The following TAF1C variants were observed in gnomAD, a reference collection of about 807,000 sequenced individuals.
TAF1C encodes TATA box-binding protein-associated factor RNA polymerase I subunit C.
In TAF1C, 79 loss-of-function variants were observed where a neutral mutation model predicts 70.5. The ratio of observed to expected loss-of-function variants is 1.12; its 90% CI spans 0.93 to 1.35. The LOEUF (loss-of-function observed/expected upper bound fraction) is 1.35. Among genes scored for constraint, TAF1C ranks in the 40% most tolerant of loss-of-function variants. TAF1C has a pLI of 0.00. For missense variants in TAF1C, 1,412 were observed against 1,127.8 expected, an observed-to-expected ratio of 1.25 and a Z score of -3.61; for synonymous variants, 614 against 491.1, an observed-to-expected ratio of 1.25 and a Z score of -3.31.
rs1292108800 is a variant in TAF1C, at chr16:84,178,435, C to G, written c.*506G>C. 3 of 458,280 alleles carry G rather than the reference C, an allele frequency of 6.5e-6. No homozygotes were observed. Among genetic ancestry groups the G allele is most frequent in the South Asian group, 3.1e-5 (2 of 64,584 alleles). 28.4% of individuals were successfully genotyped at this position (458,280 alleles called of 1,614,324 possible). A position where few individuals can be genotyped will look rare whatever the true frequency, so the allele number is the denominator to read the frequency against. On this transcript the variant is annotated 3_prime_UTR_variant, in exon 15 of 15. Transcript: ENST00000566732. ...CTGAACCTGGATCCAAGGCATCTCC[C>G]TGTAGGAAACATCAGACCGGGGCAG...
rs771747874 is a variant in TAF1C, at chr16:84,181,884, C to T, written c.839-21G>A. The T allele has an allele frequency of 3.7e-6, 6 of 1,613,960 alleles. No homozygotes were observed. In the South Asian group the frequency reaches 5.5e-5, roughly 15 times the overall value. On this transcript the variant is annotated intron_variant, in intron 8 of 14. Transcript: ENST00000566732. ...CAGAGCTGAGGAGGGATGGAAAGGG[C>T]CAGGGGTCAGGTAGCAGGTCAGCCA...
In TAF1C at chr16:84,184,868, G is replaced by A. The variant is rs1285977476; in HGVS notation, c.121C>T (p.Gln41Ter). Residue 41 changes from glutamine to a stop codon, truncating the protein, a stop_gained, in exon 2 of 15, where the codon CAG becomes TAG. Transcript: ENST00000566732. LOFTEE classifies it high-confidence loss of function. ...WRDALTLPEA[Q>*]PQNSENGALH... ...ATCCTCACCTCTGAGTTCTGGGGCT[G>A]GGCCTCTGGCAGAGTCAGTGCGTCT... 1 of 1,607,612 alleles carries A rather than the reference G, an allele frequency of 6.2e-7. No individual in the cohort carries two copies. The highest frequency in any genetic ancestry group is 8.5e-7 in the Non-Finnish European group (1 of 1,177,282).
At chr16:84,180,647 C>T in intron 12 of TAF1C, 1 of 668,480 alleles carries the variant, frequency 1.5e-6, no homozygotes, top group Non-Finnish European at 2.3e-6. Context: ...CACCCCCACT[C>T]TCCTGACCCG....
rs756887801 is a variant in TAF1C, at chr16:84,182,431, C to A, written c.492G>T (p.Trp164Cys). 6.2e-7 allele frequency: 1 copy of A among 1,601,468 alleles called. No individual in the cohort carries two copies. Among genetic ancestry groups the A allele is most frequent in the Non-Finnish European group, 8.5e-7 (1 of 1,176,760 alleles). Residue 164 changes from tryptophan (W) to cysteine (C), a missense_variant, in exon 7 of 15, where the codon TGG becomes TGT. Transcript: ENST00000566732. The surrounding 1 kb of genome is among the most constrained non-coding windows in gnomAD (Gnocchi z 5.0). ...LGGHQPWGCPWAYLSNRQRRF... is the reference protein window; with the variant it reads ...LGGHQPWGCPCAYLSNRQRRF... ...GGCGCTGTCGGTTGCTGAGGTAAGCCCAGGGACACCTGGGGACCAGAGAAC... is the reference window on the plus strand; with the variant it reads ...GGCGCTGTCGGTTGCTGAGGTAAGCACAGGGACACCTGGGGACCAGAGAAC...
Position 84,180,064 on chromosome 16 carries a change from G to A in TAF1C, c.1503C>T (p.Pro501=), listed in dbSNP as rs544741396. 3.6e-5 allele frequency: 58 copies of A among 1,600,832 alleles called. No individual in the cohort carries two copies. The highest frequency in any genetic ancestry group is 2.2e-5 in the South Asian group (2 of 89,110). The change falls in exon 14 of 15, where the codon CCC becomes CCT. Residue 501 remains proline (P), a synonymous_variant. Transcript: ENST00000566732. ...LHLAGEGASV[P]RLAGPPQSLP... ...GAGACTGGGGGGGGCCTGCCAGGCG[G>A]GGCACCGACGCCCCTTCTCCTGAGG...
At position 84,179,098 on chromosome 16, in the gene TAF1C, T is replaced by C. The variant is rs763938576; in HGVS notation, c.2375A>G (p.Tyr792Cys). ...CCTCTGGGGTGGTAGCTTGGCCATG[T>C]AGTCACGGAGCATCTGCCGCTGCTC... ...PSEQRQMLRD[Y>C]MAKLPPQRDT... The change falls in exon 15 of 15, where the codon TAC becomes TGC. Residue 792 changes from tyrosine to cysteine, a missense_variant. By Grantham distance (194) the Tyr-to-Cys change is radical. Transcript: ENST00000566732. 1.7e-5 allele frequency: 28 copies of C among 1,609,970 alleles called. No individual in the cohort carries two copies. The South Asian group carries it at 2.5e-4, about 15-fold the overall frequency.
chr16:84,181,468 G>C lies in TAF1C; in HGVS notation c.1029-5C>G, dbSNP rs2089187238. 2 of 1,613,612 alleles carry C rather than the reference G, an allele frequency of 1.2e-6. No individual in the cohort carries two copies. The highest frequency in any genetic ancestry group is 1.3e-5 in the African/African-American group (1 of 74,926). ...TCCCTGTAGATTTGCCGCAGCCTTG[G>C]GGAGACAGGCAAGCCGTGGGCAGGG... On this transcript the variant is annotated splice_region_variant and splice_polypyrimidine_tract_variant and intron_variant, in intron 10 of 14. Coordinates refer to ENST00000566732, the MANE Select transcript of TAF1C (RefSeq NM_001243156.2).
In TAF1C at chr16:84,179,411, C is replaced by G; in HGVS notation, c.2062G>C (p.Glu688Gln). The change falls in exon 15 of 15, where the codon GAG (glutamate) becomes CAG (glutamine). Residue 688 changes from glutamate to glutamine, a missense_variant. Coordinates refer to ENST00000566732, the MANE Select transcript of TAF1C (RefSeq NM_001243156.2). ...CCCAGGCGCTCACTGAGCTTGTCCTCTAGGCCTGACTCGGGTGCAGGGGGT... is the reference window on the plus strand; with the variant it reads ...CCCAGGCGCTCACTGAGCTTGTCCTGTAGGCCTGACTCGGGTGCAGGGGGT... The part of the protein sequence containing the change: ...EPPPAPESGL[E>Q]DKLSERLGEA... The G allele has an allele frequency of 1.3e-6, 2 of 1,597,700 alleles. No homozygotes were observed. Among genetic ancestry groups the G allele is most frequent in the Middle Eastern group, 1.7e-4 (1 of 6,050 alleles).
rs2089152637 is a variant in TAF1C at position 84,181,060 on chromosome 16, G to A, written c.1291C>T (p.His431Tyr). 1.9e-6 allele frequency: 3 copies of A among 1,609,998 alleles called. No individual in the cohort carries two copies. The highest frequency in any genetic ancestry group is 2.5e-6 in the Non-Finnish European group (3 of 1,176,746). ...CCACTCACCTGGGTACAGACGAGATGAAGAGTAGGGGGGAGGCATTTGGGG... is the reference window on the plus strand; with the variant it reads ...CCACTCACCTGGGTACAGACGAGATAAAGAGTAGGGGGGAGGCATTTGGGG... ...SSPKCLPPTL[H>Y]LVCTQFSLYL... The change falls in exon 12 of 15, where the codon CAT becomes TAT. Residue 431 changes from histidine (H) to tyrosine (Y), a missense_variant. Coordinates refer to ENST00000566732, the MANE Select transcript of TAF1C (RefSeq NM_001243156.2).
Position 84,179,931 on chromosome 16 carries a change from C to T in TAF1C, c.1621+15G>A. The T allele has an allele frequency of 1.3e-6, 2 of 1,595,908 alleles. No individual in the cohort carries two copies. The highest frequency in any genetic ancestry group is 2.3e-5 in the East Asian group (1 of 44,064). Reference sequence around the variant, plus strand: ...TCCACTGCGCCCCCCAAGCTCACTCCCCCACCCAGCACACCTATGGTCGGT... The same window carrying T: ...TCCACTGCGCCCCCCAAGCTCACTCTCCCACCCAGCACACCTATGGTCGGT... On this transcript the variant is annotated intron_variant, in intron 14 of 14. Transcript: ENST00000566732.
Position 84,181,603 on chromosome 16 carries a change from G to A in TAF1C, c.1017C>T (p.Ser339=). The part of the protein sequence containing the change: ...CSRSGAVCLW[S]PEDGLRQIYR... ...GGAAGCGGCGATACCCATCCTCAGGGCTCCACAGGCAGACGGCTCCCGAGC... is the reference window on the plus strand; with the variant it reads ...GGAAGCGGCGATACCCATCCTCAGGACTCCACAGGCAGACGGCTCCCGAGC... Residue 339 remains serine, a synonymous_variant, in exon 10 of 15, where the codon AGC becomes AGT. Coordinates refer to ENST00000566732, the MANE Select transcript of TAF1C (RefSeq NM_001243156.2). 6 of 1,613,936 alleles carry A rather than the reference G, an allele frequency of 3.7e-6. No individual in the cohort carries two copies. The highest frequency in any genetic ancestry group is 5.1e-6 in the Non-Finnish European group (6 of 1,179,986).
In TAF1C at chr16:84,183,243, C is replaced by G; in HGVS notation, c.408+1G>C. 6.2e-7 allele frequency: 1 copy of G among 1,614,032 alleles called. No homozygotes were observed. Among genetic ancestry groups the G allele is most frequent in the Non-Finnish European group, 8.5e-7 (1 of 1,180,044 alleles). ...CACCCCTGGAGTCACGGGCCACTCA[C>G]CCCCGCTCCCTCCAGCTTGAAATTC... On this transcript the variant is annotated splice_donor_variant, in intron 5 of 14. Transcript: ENST00000566732. LOFTEE classifies it high-confidence loss of function.
chr16:84,182,567 AC>A lies in TAF1C; in HGVS notation c.483-128del. On this transcript the variant is annotated intron_variant, in intron 6 of 14. Coordinates refer to ENST00000566732, the MANE Select transcript of TAF1C (RefSeq NM_001243156.2). The surrounding 1 kb of genome is among the most constrained non-coding windows in gnomAD (Gnocchi z 5.0). The stretch of plus-strand genomic sequence containing the variant: ...CTAGAATTTCTTCCTTTGGGAGACC[AC>A]CCCATCCTGTTCCCATGCCCCGGAA... 1 of 882,280 alleles carries A rather than the reference AC, an allele frequency of 1.1e-6. No individual in the cohort carries two copies. The allele number at this position is 882,280 out of a possible 1,614,324, so 54.7% of individuals were successfully genotyped here. A position where few individuals can be genotyped will look rare whatever the true frequency, so the allele number is the denominator to read the frequency against.
rs1219853796 is a variant in TAF1C at position 84,178,257 on chromosome 16, C to T, written c.*684G>A. The T allele has an allele frequency of 2.3e-6, 1 of 443,350 alleles. No homozygotes were observed. The highest frequency in any genetic ancestry group is 4.6e-6 in the Non-Finnish European group (1 of 219,334). 27.5% of individuals were successfully genotyped at this position (443,350 alleles called of 1,614,324 possible). On this transcript the variant is annotated 3_prime_UTR_variant, in exon 15 of 15. Coordinates refer to ENST00000566732, the MANE Select transcript of TAF1C (RefSeq NM_001243156.2). ...CTCAGAGGGCACTATCGACAGCCCA[C>T]AGGTGCCAGACCCATGTCCCAAGGG...
At position 84,185,058 on chromosome 16, in the gene TAF1C, T is replaced by C. The variant is rs764690955; in HGVS notation, c.-70A>G. 1.9e-5 allele frequency: 29 copies of C among 1,553,066 alleles called. No individual in the cohort carries two copies. Among genetic ancestry groups the C allele is most frequent in the Non-Finnish European group, 2.3e-5 (26 of 1,149,262 alleles). On this transcript the variant is annotated splice_region_variant and 5_prime_UTR_variant, in exon 2 of 15. Coordinates refer to ENST00000566732, the MANE Select transcript of TAF1C (RefSeq NM_001243156.2). ...TGGAAGCTGGTAAGGGGCGCCAGAGTTCCTGAGGAGTGAAAAGTGCACTAC... is the reference window on the plus strand; with the variant it reads ...TGGAAGCTGGTAAGGGGCGCCAGAGCTCCTGAGGAGTGAAAAGTGCACTAC...
In TAF1C at chr16:84,181,099, G is replaced by A; in HGVS notation, c.1252C>T (p.Leu418=). Residue 418 remains leucine, a synonymous_variant, in exon 12 of 15, where the codon CTG becomes TTG. Coordinates refer to ENST00000566732, the MANE Select transcript of TAF1C (RefSeq NM_001243156.2). The stretch of plus-strand genomic sequence containing the variant: ...AGGCATTTGGGGCTGGAGTGCCCCA[G>A]GTACTGGGTAAGCAGGACACGTTCC... The part of the protein sequence containing the change: ...KGERVLLTQY[L]GHSSPKCLPP... 1 of 1,613,072 alleles carries A rather than the reference G, an allele frequency of 6.2e-7. No individual in the cohort carries two copies. The highest frequency in any genetic ancestry group is 8.5e-7 in the Non-Finnish European group (1 of 1,179,206).
At chr16:84,180,554 C>T in intron 12 of TAF1C, 1 of 613,550 alleles carries the variant, frequency 1.6e-6, no homozygotes, top group Non-Finnish European at 2.7e-6. Flanking sequence ...GTCCGGTGGA[C>T]AGACAGAACA....
Position 84,183,703 on chromosome 16 carries a change from G to C in TAF1C, c.214C>G (p.Leu72Val), listed in dbSNP as rs1321508010. Reference protein sequence around the residue: ...TPGPLPMLPPLIDPWDPGLTA... With the variant: ...TPGPLPMLPPVIDPWDPGLTA... ...GGGGGAATGAGACCCTTACCGATGAGGGGAGGCAGCATGGGGAGAGGCCCA... is the reference window on the plus strand; with the variant it reads ...GGGGGAATGAGACCCTTACCGATGACGGGAGGCAGCATGGGGAGAGGCCCA... The change falls in exon 3 of 15, where the codon CTC becomes GTC. Residue 72 changes from leucine to valine, a missense_variant. Transcript: ENST00000566732. 4 of 1,612,066 alleles carry C rather than the reference G, an allele frequency of 2.5e-6. No homozygotes were observed. The highest frequency in any genetic ancestry group is 3.4e-6 in the Non-Finnish European group (4 of 1,178,810).
chr16:84,180,489 A>G, intron 12 of TAF1C, 145 bp from the exon 13 acceptor site: 1 of 844,102 alleles, frequency 1.2e-6, no homozygotes, highest in Non-Finnish European at 1.8e-6. Context: ...TGCCTCTCAG[A>G]CTTCACCTGC....
Sources: gnomAD v4.1 joint callset for allele counts on GRCh38, gnomAD v4.1.1 for gene constraint, Gnocchi (gnomAD v3.1) non-coding constraint, MANE v1.5 for transcripts, NCBI Gene and HGNC (gene_info 2026-07-23, HGNC 2026-07-21) for gene names.